Variants in SLC25A21 observed in about 807,000 individuals in gnomAD.
SLC25A21 encodes mitochondrial 2-oxodicarboxylate carrier.
Under a neutral mutation model 43.8 loss-of-function variants are expected in SLC25A21, and 47 were observed. The ratio of observed to expected loss-of-function variants is 1.07; its 90% CI spans 0.85 to 1.37. The LOEUF (loss-of-function observed/expected upper bound fraction) is 1.37, where lower values mean the gene tolerates loss of function less well. SLC25A21 is among the 40% of genes most tolerant of loss of function. The pLI, the probability that SLC25A21 is intolerant of heterozygous loss-of-function variation, is 0.00. For missense variants in SLC25A21, 352 were observed against 350.2 expected, an observed-to-expected ratio of 1.00 and a Z score of -0.04; for synonymous variants, 131 against 121.3, an observed-to-expected ratio of 1.08 and a Z score of -0.52.
Position 36,834,542 on chromosome 14 carries a change from A to G in SLC25A21, c.120-20541T>C, listed in dbSNP as rs568274240. On this transcript the variant is annotated intron_variant, in intron 2 of 9. Coordinates refer to ENST00000331299, the MANE Select transcript of SLC25A21 (RefSeq NM_030631.4). The stretch of plus-strand genomic sequence containing the variant: ...ACCTTGGTACGTTGATTTCTCAGTA[A>G]ATATTGGCTTCCTTCCACACCTTTC... Among the ~76,000 whole-genome samples the G allele has an allele frequency of 2.6e-5, 4 of 152,312 alleles. No homozygotes were observed. In the South Asian group the frequency reaches 8.3e-4, roughly 32 times the overall value.
intron 7 of SLC25A21, among the ~76,000 whole-genome samples, chr14:36,701,851 A>G (rs1303719819): frequency 6.6e-6 from 1 of 152,134 alleles, no homozygotes; most frequent in African/African-American, 2.4e-5. Context: ...AAAGGCACTG[A>G]CCCCAAGGAA....
chr14:36,931,242 C>A (rs1213040418), intron 1 of SLC25A21, among the ~76,000 whole-genome samples: 1 of 152,144 alleles, frequency 6.6e-6, no homozygotes, highest in Non-Finnish European at 1.5e-5. Context: ...TCACTCCCAA[C>A]AGCGAGTAGG....
intron 7 of SLC25A21, among the ~76,000 whole-genome samples, chr14:36,696,714 C>T (rs1218551596): frequency 1.3e-5 from 2 of 152,146 alleles, no homozygotes; most frequent in Non-Finnish European, 2.9e-5. Flanking sequence ...TTATAGTATT[C>T]TCTGATGGTA....
chr14:36,896,840 T>G (rs1331861352), intron 1 of SLC25A21, among the ~76,000 whole-genome samples: 1 of 151,734 alleles, frequency 6.6e-6, no homozygotes, highest in Admixed American at 6.6e-5. Flanking sequence ...TGAAAATTCT[T>G]TTCTTTAAGA....
chr14:36,795,680 G>A (rs753107415), intron 3 of SLC25A21, among the ~76,000 whole-genome samples: 12 of 148,642 alleles, frequency 8.1e-5, no homozygotes, highest in African/African-American at 1.7e-4. Flanking sequence ...TCTGTGAAGC[G>A]TCTGTGCAGT....
At position 36,779,609 on chromosome 14, in the gene SLC25A21, CATATATATATATATAT is replaced by C. The variant is rs35392668; in HGVS notation, c.203+34293_203+34308del. ...AAAGAAAGGAATGTATATGTGTATA[CATATATATATATATAT>C]ATATATATATATATATATGTATACA... On this transcript the variant is annotated intron_variant, in intron 3 of 9. Transcript: ENST00000331299. Among the ~76,000 whole-genome samples, 313 of 122,474 alleles carry C rather than the reference CATATATATATATATAT, an allele frequency of 2.6e-3. 4 individuals are homozygous for C. Among genetic ancestry groups the C allele is most frequent in the African/African-American group, 8.1e-3 (279 of 34,570 alleles). 80.3% of individuals were successfully genotyped at this position (122,474 alleles called of 152,430 possible).
intron 1 of SLC25A21, among the ~76,000 whole-genome samples, chr14:37,019,573 T>C (rs899888301): frequency 2.2e-4 from 34 of 151,748 alleles, no homozygotes; most frequent in Admixed American, 6.6e-4. Context: ...TTTCAGCATA[T>C]AGCATTAAGT....
intron 2 of SLC25A21, among the ~76,000 whole-genome samples, chr14:36,834,386 T>G (rs1889137919): frequency 6.6e-6 from 1 of 152,224 alleles, no homozygotes. Flanking sequence ...AAATCCTGGC[T>G]ATGCCACCTA....
At chr14:36,688,650 T>A (rs1951995883) in intron 7 of SLC25A21, among the ~76,000 whole-genome samples, 1 of 152,172 alleles carries the variant, frequency 6.6e-6, no homozygotes, top group Non-Finnish European at 1.5e-5. Context: ...TGGCCTCCTC[T>A]CTTCCCACAA....
At chr14:36,978,181 T>C (rs1959925965) in intron 1 of SLC25A21, among the ~76,000 whole-genome samples, 1 of 152,138 alleles carries the variant, frequency 6.6e-6, no homozygotes, top group South Asian at 2.1e-4. Flanking sequence ...CTACAATAAT[T>C]CTAAGGCAGC....
intron 1 of SLC25A21, among the ~76,000 whole-genome samples, chr14:37,075,499 A>G (rs901170844): frequency 3.3e-5 from 5 of 152,222 alleles, no homozygotes; most frequent in Admixed American, 1.3e-4. Context: ...TAAGAAGTCA[A>G]TGATACACAC....
At chr14:37,028,115 T>G (rs1167684279) in intron 1 of SLC25A21, among the ~76,000 whole-genome samples, 2 of 152,278 alleles carry the variant, frequency 1.3e-5, no homozygotes, top group South Asian at 4.1e-4. Flanking sequence ...TAAATAACTG[T>G]AAATATTTTT....
chr14:36,723,930 T>A (rs1373729451), intron 6 of SLC25A21, among the ~76,000 whole-genome samples: 1 of 123,436 alleles, frequency 8.1e-6, no homozygotes, highest in Non-Finnish European at 1.7e-5. Context: ...TCCCAAGGGG[T>A]AAGATGGGAA....
chr14:36,830,037 G>T (rs990730457), intron 2 of SLC25A21, among the ~76,000 whole-genome samples: 3 of 151,846 alleles, frequency 2.0e-5, no homozygotes, highest in Admixed American at 2.0e-4. Flanking sequence ...ACACCATGCA[G>T]AATCCAAGTT....
intron 1 of SLC25A21, among the ~76,000 whole-genome samples, chr14:37,085,716 C>T (rs1044096151): frequency 5.9e-5 from 9 of 151,710 alleles, no homozygotes; most frequent in African/African-American, 2.2e-4. Context: ...GTAGATTATC[C>T]CAGAATTAAT....
At chr14:37,128,938 T>G (rs555292913) in intron 1 of SLC25A21, among the ~76,000 whole-genome samples, 6 of 152,310 alleles carry the variant, frequency 3.9e-5, no homozygotes, top group African/African-American at 1.4e-4. Context: ...AATGATGCTG[T>G]TCAATACAGT....
chr14:37,113,339 C>T (rs1245984988), intron 1 of SLC25A21, among the ~76,000 whole-genome samples: 1 of 152,126 alleles, frequency 6.6e-6, no homozygotes, highest in African/African-American at 2.4e-5. Flanking sequence ...TATTTCTAGC[C>T]TCTTCACTCT....
At chr14:36,735,707 G>A (rs1320242064) in intron 3 of SLC25A21, among the ~76,000 whole-genome samples, 1 of 151,826 alleles carries the variant, frequency 6.6e-6, no homozygotes, top group East Asian at 1.9e-4. Flanking sequence ...GGGCACTAAA[G>A]CACTTGCCTG....
Position 36,828,497 on chromosome 14 carries a change from G to A in SLC25A21, c.120-14496C>T, listed in dbSNP as rs61988026. 1,320 of 152,354 alleles carry A rather than the reference G, an allele frequency of 8.7e-3. 11 individuals carry two copies. Among genetic ancestry groups the A allele is most frequent in the Middle Eastern group, 0.027 (8 of 294 alleles). The allele number at this position is 152,354 out of a possible 1,614,324, so 9.4% of individuals were successfully genotyped here. On this transcript the variant is annotated intron_variant, in intron 2 of 9. Coordinates refer to ENST00000331299, the MANE Select transcript of SLC25A21 (RefSeq NM_030631.4). ...GGAAGCAGAGGGTTCCAAAGCCCTA[G>A]TGGGTGCAGAGACACAGATGGGAGA...
Sources: gnomAD v4.1 joint callset for allele counts (sites outside exome capture counted in the v4.1 genomes callset) on GRCh38, gnomAD v4.1.1 for gene constraint, MANE v1.5 for transcripts, NCBI Gene and HGNC (gene_info 2026-07-23, HGNC 2026-07-21) for gene names.